EPHA5: variants seen among roughly 807,000 people sequenced by gnomAD.
The protein encoded by EPHA5 is EPH receptor A5, also known as ephrin type-A receptor 5.
In EPHA5, 60 loss-of-function variants were observed where a neutral mutation model predicts 105.0. The ratio of observed to expected loss-of-function variants is 0.57; its 90% CI spans 0.46 to 0.71. The LOEUF (loss-of-function observed/expected upper bound fraction) is 0.71. EPHA5 is among the 30% of genes least tolerant of loss of function. EPHA5 has a pLI of 0.00. For missense variants in EPHA5, 1,218 were observed against 1,274.7 expected (o/e 0.96, Z 0.68); for synonymous variants, 513 against 449.1 (o/e 1.14, Z -1.80).
intron 2 of EPHA5, among the ~76,000 whole-genome samples, chr4:65,610,315 C>G (rs1744648348): frequency 6.6e-6 from 1 of 151,952 alleles, no homozygotes; most frequent in Non-Finnish European, 1.5e-5. Flanking sequence ...CATTTAAACA[C>G]TGAATACACA....
chr4:65,625,333 A>G (rs187582260), intron 2 of EPHA5, among the ~76,000 whole-genome samples: 1 of 152,250 alleles, frequency 6.6e-6, no homozygotes, highest in Non-Finnish European at 1.5e-5. Flanking sequence ...AAATGAAATA[A>G]TTACTTGTTC....
Position 65,495,388 on chromosome 4 carries a change from T to G in EPHA5, c.1066A>C (p.Arg356=). The G allele has an allele frequency of 6.2e-7, 1 of 1,611,224 alleles. No homozygotes were observed. Among genetic ancestry groups the G allele is most frequent in the Non-Finnish European group, 8.5e-7 (1 of 1,178,906 alleles). ...ESDPPTMACT[R]PPSAPRNAIS... is the part of the protein sequence containing the mutation. ...ACCAAATATCCGTGGGTTTCCTTAC[T>G]TGTGCATGCCATTGTGGGTGGATCA... is the stretch of plus-strand genomic sequence containing the variant. The change falls in exon 4 of 17, where the codon AGA becomes CGA. Residue 356 remains arginine (R), a splice_region_variant and synonymous_variant. Coordinates refer to ENST00000613740, the MANE Select transcript of EPHA5 (RefSeq NM_001281766.3).
chr4:65,458,261 A>G (rs184280058), intron 5 of EPHA5, among the ~76,000 whole-genome samples: 2 of 152,244 alleles, frequency 1.3e-5, no homozygotes, highest in Admixed American at 1.3e-4. Context: ...TGGCTCTTCA[A>G]TGCATAGAGA....
chr4:65,428,680 T>C (rs1209340179), intron 5 of EPHA5, among the ~76,000 whole-genome samples: 1 of 151,888 alleles, frequency 6.6e-6, no homozygotes, highest in South Asian at 2.1e-4. Context: ...TATAGTTTGG[T>C]TTTTTTCAAA....
At chr4:65,461,009 A>T (rs1240341350) in intron 5 of EPHA5, among the ~76,000 whole-genome samples, 1 of 151,912 alleles carries the variant, frequency 6.6e-6, no homozygotes, top group Non-Finnish European at 1.5e-5. Flanking sequence ...AACACTGGAA[A>T]TAAACAAAAA....
intron 5 of EPHA5, among the ~76,000 whole-genome samples, chr4:65,481,233 C>G (rs1481085977): frequency 2.6e-5 from 4 of 152,110 alleles, no homozygotes; most frequent in Admixed American, 6.6e-5. Context: ...ATGATCAGAG[C>G]ATCTCTTGTC....
At position 65,637,569 on chromosome 4, in the gene EPHA5, CATAT is replaced by C. The variant is rs34456844; in HGVS notation, c.246+5790_246+5793del. Among the ~76,000 whole-genome samples, 424 of 112,428 alleles carry C rather than the reference CATAT, an allele frequency of 3.8e-3. 4 individuals are homozygous for C. Among genetic ancestry groups the C allele is most frequent in the Middle Eastern group, 0.013 (2 of 160 alleles). The allele number at this position is 112,428 out of a possible 152,430, so 73.8% of individuals were successfully genotyped here. On this transcript the variant is annotated intron_variant, in intron 2 of 16. Transcript: ENST00000613740. The stretch of plus-strand genomic sequence containing the variant: ...TATATATACACAAATATGAGTTTTG[CATAT>C]ATATATATATATATATATATATATA...
chr4:65,574,941 T>A (rs545329634), intron 3 of EPHA5, among the ~76,000 whole-genome samples: 3 of 151,798 alleles, frequency 2.0e-5, no homozygotes, highest in Middle Eastern at 3.4e-3. Context: ...TGAAATAACT[T>A]ATTTTATTGA....
intron 3 of EPHA5, among the ~76,000 whole-genome samples, chr4:65,574,721 C>CAT (rs1213463466): frequency 5.8e-5 from 4 of 69,440 alleles, no homozygotes; most frequent in South Asian, 9.2e-4. Flanking sequence ...TATATATATA[C>CAT]ATATATATAC....
chr4:65,397,612 T>C (rs1211759433), intron 8 of EPHA5, among the ~76,000 whole-genome samples: 1 of 57,272 alleles, frequency 1.7e-5, no homozygotes, highest in Non-Finnish European at 5.7e-5. Context: ...GATTTCTAGT[T>C]TTTTTTTTTC....
intron 8 of EPHA5, among the ~76,000 whole-genome samples, 192 bp from the exon 9 acceptor site, chr4:65,367,616 T>A (rs1407737503): frequency 6.6e-6 from 1 of 152,106 alleles, no homozygotes; most frequent in East Asian, 1.9e-4. Context: ...ACTCAGCAAA[T>A]AATCTTGCCC....
chr4:65,623,621 T>C (rs1044328106), intron 2 of EPHA5, among the ~76,000 whole-genome samples: 5 of 152,108 alleles, frequency 3.3e-5, no homozygotes, highest in Non-Finnish European at 7.4e-5. Context: ...GCTTCAGAGT[T>C]TTAGAATTCT....
At chr4:65,407,358 T>C (rs987040765) in intron 7 of EPHA5, among the ~76,000 whole-genome samples, 7 of 152,084 alleles carry the variant, frequency 4.6e-5, no homozygotes, top group African/African-American at 1.2e-4. Context: ...AGTATTAAAT[T>C]TGAGAAAAAA....
chr4:65,399,347 T>A (rs1315936096), intron 8 of EPHA5, among the ~76,000 whole-genome samples: 1 of 152,164 alleles, frequency 6.6e-6, no homozygotes, highest in Non-Finnish European at 1.5e-5. Flanking sequence ...CATGCACCCC[T>A]CACTGCTCCA....
intron 5 of EPHA5, among the ~76,000 whole-genome samples, chr4:65,420,918 A>G (rs985427425): frequency 1.3e-5 from 2 of 152,018 alleles, no homozygotes; most frequent in African/African-American, 2.4e-5. Flanking sequence ...GACATATCCC[A>G]TTATGCTAAT....
At position 65,635,250 on chromosome 4, in the gene EPHA5, TC is replaced by T. The variant is rs200748931; in HGVS notation, c.246+8112del. On this transcript the variant is annotated intron_variant, in intron 2 of 16. Coordinates refer to ENST00000613740, the MANE Select transcript of EPHA5 (RefSeq NM_001281766.3). The stretch of plus-strand genomic sequence containing the variant: ...ACAATGTAGGGTTACTTTTTCTTTC[TC>T]CTCCAGGCACAGAGCAACTTACTTT... Among the ~76,000 whole-genome samples, 27 of 152,238 alleles carry T rather than the reference TC, an allele frequency of 1.8e-4. 1 individual carries two copies. The East Asian group carries it at 3.9e-3, about 22-fold the overall frequency.
chr4:65,323,200 A>G lies in EPHA5; in HGVS notation c.*914T>C. 1 of 228,920 alleles carries G rather than the reference A, an allele frequency of 4.4e-6. No individual in the cohort carries two copies. Among genetic ancestry groups the G allele is most frequent in the Non-Finnish European group, 8.7e-6 (1 of 115,330 alleles). The allele number at this position is 228,920 out of a possible 1,614,324, so 14.2% of individuals were successfully genotyped here. A position where few individuals can be genotyped will look rare whatever the true frequency, so the allele number is the denominator to read the frequency against. ...TCTTATACACATTTCCTTTTAGTGA[A>G]TAAAGAGATTAGCTTTTGGACACAT... On this transcript the variant is annotated 3_prime_UTR_variant, in exon 17 of 17. Transcript: ENST00000613740.
intron 2 of EPHA5, among the ~76,000 whole-genome samples, chr4:65,641,012 AC>A (rs1388870503): frequency 6.6e-6 from 1 of 152,150 alleles, no homozygotes; most frequent in Non-Finnish European, 1.5e-5. Flanking sequence ...TCTCTTTTTG[AC>A]AAATTCCCAG....
intron 16 of EPHA5, among the ~76,000 whole-genome samples, chr4:65,329,056 G>T (rs150902000): frequency 0.018 from 2,652 of 151,284 alleles, 60 homozygotes; most frequent in African/African-American, 0.06. Flanking sequence ...TGACAGTACT[G>T]ATACGAAAAT....
Sources: gnomAD v4.1 joint callset for allele counts (sites outside exome capture counted in the v4.1 genomes callset) on GRCh38, gnomAD v4.1.1 for gene constraint, MANE v1.5 for transcripts, NCBI Gene and HGNC (gene_info 2026-07-23, HGNC 2026-07-21) for gene names.